The following RALYL variants were observed in gnomAD, a reference collection of about 807,000 sequenced individuals.
The protein encoded by RALYL is RALY RNA binding protein like.
A neutral mutation model predicts 35.1 loss-of-function variants in RALYL; 29 were observed. The ratio of observed to expected loss-of-function variants is 0.83; its 90% CI spans 0.61 to 1.13. The LOEUF is 1.13. RALYL is among the 50% of genes most tolerant of loss of function. The pLI, the probability that RALYL is intolerant of heterozygous loss-of-function variation, is 0.00. For synonymous variants in RALYL, 120 were observed against 127.6 expected (o/e 0.94, Z 0.40); for missense variants, 359 against 360.4 (o/e 1.00, Z 0.03).
intron 1 of RALYL, among the ~76,000 whole-genome samples, chr8:84,452,635 C>G (rs996748779): frequency 3.3e-5 from 5 of 151,934 alleles, no homozygotes; most frequent in African/African-American, 1.2e-4. Flanking sequence ...GTTTCCCTTA[C>G]AAGTCTCAGA....
In RALYL at chr8:84,332,893, TCA is replaced by T. The variant is rs796990310; in HGVS notation, c.-24+148472_-24+148473del. Among the ~76,000 whole-genome samples the T allele has an allele frequency of 4.2e-4, 64 of 152,226 alleles. 1 individual carries two copies. The highest frequency in any genetic ancestry group is 1.5e-3 in the African/African-American group (63 of 41,558). On this transcript the variant is annotated intron_variant, in intron 1 of 8. Transcript: ENST00000521268. ...AGAAGTGAACCCAGACAATTAAATC[TCA>T]CAGTGATCCCTGGGTGATTTCCCTA...
intron 2 of RALYL, among the ~76,000 whole-genome samples, chr8:84,652,335 G>A (rs186240712): frequency 1.7e-4 from 26 of 152,090 alleles, no homozygotes; most frequent in Admixed American, 1.6e-3. Flanking sequence ...CCATCACTTC[G>A]ATTGGTATGA....
intron 2 of RALYL, among the ~76,000 whole-genome samples, chr8:84,534,950 C>T (rs1279497042): frequency 6.6e-6 from 1 of 152,064 alleles, no homozygotes; most frequent in Non-Finnish European, 1.5e-5. Flanking sequence ...CACATATATA[C>T]TTTATTCAAA....
chr8:84,318,925 T>C (rs532268126), intron 1 of RALYL, among the ~76,000 whole-genome samples: 20 of 152,326 alleles, frequency 1.3e-4, no homozygotes, highest in African/African-American at 4.6e-4. Flanking sequence ...GCTTTATTTG[T>C]GGAGAATAGA....
At chr8:84,836,957 T>G (rs1023273768) in intron 4 of RALYL, among the ~76,000 whole-genome samples, 10 of 152,192 alleles carry the variant, frequency 6.6e-5, no homozygotes, top group African/African-American at 2.4e-4. Context: ...CTGTTCCACA[T>G]TTTTCTACCA....
chr8:84,887,411 T>C (rs1027960444), intron 7 of RALYL, among the ~76,000 whole-genome samples, 193 bp from the exon 8 acceptor site: 3 of 152,236 alleles, frequency 2.0e-5, no homozygotes, highest in African/African-American at 4.8e-5. Context: ...TGCTTACATG[T>C]AAGTGCACAT....
intron 2 of RALYL, among the ~76,000 whole-genome samples, chr8:84,726,159 T>G (rs1844906211): frequency 1.3e-5 from 2 of 149,784 alleles, no homozygotes; most frequent in Non-Finnish European, 3.0e-5. Flanking sequence ...TAGCCAAACC[T>G]GCTCAGTGGT....
At chr8:84,697,882 T>TTCTCTATTGA (rs1487520497) in intron 2 of RALYL, among the ~76,000 whole-genome samples, 2 of 152,200 alleles carry the variant, frequency 1.3e-5, no homozygotes, top group African/African-American at 4.8e-5. Flanking sequence ...TCAGAATGCA[T>TTCTCTATTGA]TCTCTATTGA....
chr8:84,437,772 G>A (rs1294136698), intron 1 of RALYL, among the ~76,000 whole-genome samples: 2 of 152,062 alleles, frequency 1.3e-5, no homozygotes, highest in Admixed American at 6.6e-5. Context: ...GATTAAAAGT[G>A]TGTGGCACTT....
intron 2 of RALYL, among the ~76,000 whole-genome samples, chr8:84,551,198 T>A (rs1286523337): frequency 6.6e-6 from 1 of 152,108 alleles, no homozygotes; most frequent in East Asian, 1.9e-4. Context: ...TAGAGAAGAA[T>A]ATAAACGGTA....
At chr8:84,538,848 C>T (rs1048581584) in intron 2 of RALYL, among the ~76,000 whole-genome samples, 10 of 152,192 alleles carry the variant, frequency 6.6e-5, no homozygotes, top group South Asian at 4.1e-4. Flanking sequence ...CAAGGCATTA[C>T]GTAACACACA....
At chr8:84,663,111 G>T (rs1831243146) in intron 2 of RALYL, among the ~76,000 whole-genome samples, 1 of 152,070 alleles carries the variant, frequency 6.6e-6, no homozygotes, top group Non-Finnish European at 1.5e-5. Context: ...GTGTTAGTTT[G>T]CCAAGGATAA....
chr8:84,555,507 A>T (rs914472664), intron 2 of RALYL, among the ~76,000 whole-genome samples: 4 of 152,210 alleles, frequency 2.6e-5, no homozygotes, highest in African/African-American at 9.6e-5. Flanking sequence ...GTTTCATGCC[A>T]CAGACTCACT....
chr8:84,453,009 G>A (rs1361347547), intron 1 of RALYL, among the ~76,000 whole-genome samples: 3 of 151,860 alleles, frequency 2.0e-5, no homozygotes, highest in East Asian at 1.9e-4. Context: ...TTCCTACTGC[G>A]TCTCATCAGA....
At chr8:84,247,651 T>A (rs961148951) in intron 1 of RALYL, among the ~76,000 whole-genome samples, 1 of 152,184 alleles carries the variant, frequency 6.6e-6, no homozygotes, top group Non-Finnish European at 1.5e-5. Context: ...TAGTTTTGGT[T>A]ATTCTAAATT....
intron 1 of RALYL, among the ~76,000 whole-genome samples, chr8:84,410,963 A>C (rs139566182): frequency 6.6e-6 from 1 of 151,914 alleles, no homozygotes; most frequent in African/African-American, 2.4e-5. Context: ...TTTCACTGAA[A>C]GTAGGAAATA....
chr8:84,706,287 A>C (rs957449067), intron 2 of RALYL, among the ~76,000 whole-genome samples: 2 of 152,202 alleles, frequency 1.3e-5, no homozygotes, highest in Non-Finnish European at 2.9e-5. Context: ...AAAGGTTTAC[A>C]AAATCAACAG....
At position 84,791,905 on chromosome 8, in the gene RALYL, T is replaced by C. The variant is rs200186065; in HGVS notation, c.333-12865T>C. 1.1e-4 allele frequency among the ~76,000 whole-genome samples: 17 copies of C among 152,312 alleles called. No individual in the cohort carries two copies. In the East Asian group the frequency reaches 3.3e-3, roughly 29 times the overall value. ...CAGAGTGAAACAGGAGAGTTCCCTG[T>C]TTCCCCCCCGGCAGGATGTGACAGG... On this transcript the variant is annotated intron_variant, in intron 3 of 8. Coordinates refer to ENST00000521268, the MANE Select transcript of RALYL (RefSeq NM_173848.7).
intron 5 of RALYL, among the ~76,000 whole-genome samples, chr8:84,859,232 G>A (rs925669182): frequency 4.6e-5 from 7 of 152,116 alleles, no homozygotes; most frequent in African/African-American, 1.2e-4. Flanking sequence ...TTGGTTGCGG[G>A]AGGGGACCAA....
Sources: gnomAD v4.1 joint callset for allele counts (sites outside exome capture counted in the v4.1 genomes callset) on GRCh38, gnomAD v4.1.1 for gene constraint, MANE v1.5 for transcripts, NCBI Gene and HGNC (gene_info 2026-07-23, HGNC 2026-07-21) for gene names.